Variants in TUBB4A observed in about 807,000 individuals in gnomAD.
TUBB4A encodes tubulin beta-4A chain.
TUBB4A carries 13 observed loss-of-function variants against 35.1 expected under a neutral mutation model. The observed-to-expected ratio is 0.37, with a 90% CI of 0.24 to 0.59. The LOEUF is 0.59. Among genes scored for constraint, TUBB4A ranks in the 20% least tolerant of loss-of-function variants. The pLI is 0.71. For missense variants in TUBB4A, 299 were observed against 647.2 expected (o/e 0.46, Z 5.84); for synonymous variants, 279 against 272.4 (o/e 1.02, Z -0.24).
At position 6,501,436 on chromosome 19, in the gene TUBB4A, A is replaced by G. The variant is rs750289178; in HGVS notation, c.167-39T>C. 6.2e-7 allele frequency: 1 copy of G among 1,605,022 alleles called. No individual in the cohort carries two copies. On this transcript the variant is annotated intron_variant, in intron 2 of 3. Coordinates refer to ENST00000264071, the MANE Select transcript of TUBB4A (RefSeq NM_006087.4). This position sits in a 1 kb window ranked among gnomAD's most constrained non-coding sequence, Gnocchi z 4.2. The stretch of plus-strand genomic sequence containing the variant: ...GATGGAGGGCAGTTCGATGCGTGCC[A>G]GGAACCACAGGCGCCCGGTAGCATC...
rs1443129227 is a variant in TUBB4A, at chr19:6,494,602, AC to A, written c.*561del. 6.1e-6 allele frequency: 1 copy of A among 162,704 alleles called. No individual in the cohort carries two copies. The highest frequency in any genetic ancestry group is 2.4e-5 in the African/African-American group (1 of 40,824). 10.1% of individuals were successfully genotyped at this position (162,704 alleles called of 1,614,324 possible). On this transcript the variant is annotated 3_prime_UTR_variant, in exon 4 of 4. Transcript: ENST00000264071. ...GCTCGGAGGGAGGGGTCCAATATAA[AC>A]CAGGACTTGCAGGTGTAGAAGTAAA...
Position 6,501,726 on chromosome 19 carries a change from C to G in TUBB4A, c.58-103G>C. The G allele has an allele frequency of 1.1e-6, 1 of 917,146 alleles. No individual in the cohort carries two copies. Among genetic ancestry groups the G allele is most frequent in the Non-Finnish European group, 1.7e-6 (1 of 585,766 alleles). The allele number at this position is 917,146 out of a possible 1,614,324, so 56.8% of individuals were successfully genotyped here. On this transcript the variant is annotated intron_variant, in intron 1 of 3. Transcript: ENST00000264071. The surrounding 1 kb of genome is among the most constrained non-coding windows in gnomAD (Gnocchi z 4.2). ...TAGCTCCCTAGCTGCCACCTCTCCC[C>G]CAGCAAGGTGAACGGGGGACCTAGA...
chr19:6,496,495 G>A (rs1251354103), intron 3 of TUBB4A: 1 of 329,100 alleles, frequency 3.0e-6, no homozygotes, highest in African/African-American at 2.1e-5. Flanking sequence ...GCCGGGAGTG[G>A]TGGCGGGCGC....
chr19:6,502,418 G>T, upstream of TUBB4A: 1 of 565,686 alleles, frequency 1.8e-6, no homozygotes, highest in Non-Finnish European at 2.9e-6. Context: ...GGAGGGGGCT[G>T]GGGTGGGGGG....
chr19:6,499,301 CA>C (rs76385255), intron 3 of TUBB4A, among the ~76,000 whole-genome samples: 2,166 of 127,452 alleles, frequency 0.017, 23 homozygotes, highest in African/African-American at 0.042. Context: ...GACTCCGTCT[CA>C]AAAAAAAAAA....
At position 6,495,917 on chromosome 19, in the gene TUBB4A, C is replaced by G; in HGVS notation, c.582G>C (p.Glu194Asp). Residue 194 changes from glutamate to aspartate, a missense_variant, in exon 4 of 4, where the codon GAG becomes GAC. Transcript: ENST00000264071. This position sits in a 1 kb window ranked among gnomAD's most constrained non-coding sequence, Gnocchi z 8.7. ...NATLSVHQLV[E>D]NTDETYCIDN... Reference sequence around the variant, plus strand: ...CGATGCAGTAGGTCTCATCCGTATTCTCCACCAGCTGGTGCACAGACAGCG... The same window carrying G: ...CGATGCAGTAGGTCTCATCCGTATTGTCCACCAGCTGGTGCACAGACAGCG... The G allele has an allele frequency of 6.2e-7, 1 of 1,614,240 alleles. No individual in the cohort carries two copies. Among genetic ancestry groups the G allele is most frequent in the Non-Finnish European group, 8.5e-7 (1 of 1,180,040 alleles).
intron 1 of TUBB4A, 72 bp downstream of exon 1, chr19:6,502,084 G>A: frequency 8.2e-6 from 12 of 1,462,678 alleles, no homozygotes; most frequent in Non-Finnish European, 1.1e-5. Context: ...AGGTTGCGGG[G>A]TGCTCCGGGG....
upstream of TUBB4A, chr19:6,502,318 C>A (rs573445964): frequency 3.9e-6 from 5 of 1,293,570 alleles, no homozygotes; most frequent in East Asian, 3.0e-5. Context: ...ACGGTCCCTG[C>A]GCCCCCGGGA....
In TUBB4A at chr19:6,501,093, T is replaced by A; in HGVS notation, c.277+194A>T. 1 of 553,716 alleles carries A rather than the reference T, an allele frequency of 1.8e-6. No homozygotes were observed. 34.3% of individuals were successfully genotyped at this position (553,716 alleles called of 1,614,324 possible). On this transcript the variant is annotated intron_variant, in intron 3 of 3. Transcript: ENST00000264071. This position sits in a 1 kb window ranked among gnomAD's most constrained non-coding sequence, Gnocchi z 4.2. ...CCAGGAAGACTTCCCTGAATCCTTC[T>A]CTGTATCCGCCCTCCTCAGGGCTCT...
rs1313659984 is a variant in TUBB4A at position 6,495,171 on chromosome 19, A to ACCTCCTCCTCCG, written c.1316_1327dup (p.Ala439_Glu442dup). The stretch of plus-strand genomic sequence containing the variant: ...GGAAGCGATGGGAGCAGCCTAGGCC[A>ACCTCCTCCTCCG]CCTCCTCCTCCGCCTCCTCCTCGAA... On this transcript the variant is annotated inframe_insertion, in exon 4 of 4. Transcript: ENST00000264071. The surrounding 1 kb of genome is among the most constrained non-coding windows in gnomAD (Gnocchi z 8.7). 1.2e-6 allele frequency: 2 copies of ACCTCCTCCTCCG among 1,613,426 alleles called. No individual in the cohort carries two copies. Among genetic ancestry groups the ACCTCCTCCTCCG allele is most frequent in the Middle Eastern group, 1.7e-4 (1 of 6,012 alleles).
At chr19:6,497,028 T>A (rs1173032049) in intron 3 of TUBB4A, among the ~76,000 whole-genome samples, 332 of 14,450 alleles carry the variant, frequency 0.023, 25 homozygotes, top group Non-Finnish European at 0.026. Flanking sequence ...AAAAAAAATA[T>A]ATATATATAT....
At chr19:6,497,769 T>C (rs1401504047) in intron 3 of TUBB4A, among the ~76,000 whole-genome samples, 2 of 148,936 alleles carry the variant, frequency 1.3e-5, no homozygotes, top group Non-Finnish European at 3.0e-5. Context: ...CTGTCTCTAC[T>C]GAAAATACAA....
chr19:6,495,638 G>A lies in TUBB4A; in HGVS notation c.861C>T (p.Pro287=), dbSNP rs1441526491. The A allele has an allele frequency of 5.0e-6, 8 of 1,613,920 alleles. No individual in the cohort carries two copies. Among genetic ancestry groups the A allele is most frequent in the Admixed American group, 3.3e-5 (2 of 59,996 alleles). Residue 287 remains proline, a synonymous_variant, in exon 4 of 4, where the codon CCC becomes CCT. Transcript: ENST00000264071. The surrounding 1 kb of genome is among the most constrained non-coding windows in gnomAD (Gnocchi z 8.7). ...GSQQYRALTV[P]ELTQQMFDAK... is the part of the protein sequence containing the mutation. ...CATCGAACATCTGCTGGGTGAGCTC[G>A]GGCACCGTCAGGGCCCGGTACTGCT... is the stretch of plus-strand genomic sequence containing the variant.
chr19:6,498,748 G>A (rs940908693), intron 3 of TUBB4A, among the ~76,000 whole-genome samples: 5 of 152,248 alleles, frequency 3.3e-5, no homozygotes, highest in Non-Finnish European at 4.4e-5. Context: ...TCCTCCTCCC[G>A]AGCCTGGTGG....
At chr19:6,499,798 A>AT (rs555937850) in intron 3 of TUBB4A, among the ~76,000 whole-genome samples, 10,419 of 143,620 alleles carry the variant, frequency 0.073, 780 homozygotes, top group African/African-American at 0.19. Flanking sequence ...AAGCTTCACA[A>AT]TTTTTTTTTT....
intron 3 of TUBB4A, among the ~76,000 whole-genome samples, chr19:6,497,386 T>C (rs1178399077): frequency 6.6e-6 from 1 of 151,432 alleles, no homozygotes; most frequent in Non-Finnish European, 1.5e-5. Flanking sequence ...CCCAGCCTTT[T>C]GAGTAGCTGG....
chr19:6,500,204 T>C (rs1335764897), intron 3 of TUBB4A, among the ~76,000 whole-genome samples: 1 of 152,142 alleles, frequency 6.6e-6, no homozygotes, highest in Non-Finnish European at 1.5e-5. Context: ...TCATAGCTCA[T>C]GGCAGCCTCA....
chr19:6,502,123 C>T, intron 1 of TUBB4A, 33 bp downstream of exon 1: 1 of 1,540,852 alleles, frequency 6.5e-7, no homozygotes. Context: ...CCCGGGGCCG[C>T]CACTGCCTCC....
chr19:6,497,937 C>T (rs925937064), intron 3 of TUBB4A, among the ~76,000 whole-genome samples: 4 of 120,654 alleles, frequency 3.3e-5, no homozygotes, highest in Non-Finnish European at 3.3e-5. Context: ...ATTGGCCAGG[C>T]GTGGTGGCTC....
Sources: allele counts gnomAD v4.1 joint callset (sites outside exome capture counted in the v4.1 genomes callset), GRCh38; gene constraint gnomAD v4.1.1; non-coding constraint Gnocchi (gnomAD v3.1); transcripts MANE v1.5; gene names NCBI Gene and HGNC (gene_info 2026-07-23, HGNC 2026-07-21).